The following DOCK7 variants were observed in gnomAD, a reference collection of about 807,000 sequenced individuals.
DOCK7 encodes dedicator of cytokinesis protein 7.
A neutral mutation model predicts 271.0 loss-of-function variants in DOCK7; 138 were observed. That is an observed-to-expected ratio of 0.51 (90% CI 0.44 to 0.59). The LOEUF is 0.59. DOCK7 is among the 20% of genes least tolerant of loss of function. The pLI, the probability that DOCK7 is intolerant of heterozygous loss-of-function variation, is 0.00. For missense variants in DOCK7, 2,066 were observed against 2,592.4 expected (o/e 0.80, Z 4.41); for synonymous variants, 823 against 876.1 (o/e 0.94, Z 1.07).
At chr1:62,602,637 T>C (rs766978865) in intron 14 of DOCK7, among the ~76,000 whole-genome samples, 3 of 151,738 alleles carry the variant, frequency 2.0e-5, no homozygotes, top group African/African-American at 2.4e-5. Flanking sequence ...CGGCTTACAA[T>C]GATCATAACT....
At chr1:62,610,040 G>A (rs946114723) in intron 14 of DOCK7, among the ~76,000 whole-genome samples, 2 of 152,026 alleles carry the variant, frequency 1.3e-5, no homozygotes, top group African/African-American at 4.8e-5. Context: ...TAGTAGAGAC[G>A]GAGTTTCATC....
At chr1:62,474,913 GGAA>G (rs1179570465) in intron 47 of DOCK7, among the ~76,000 whole-genome samples, 3 of 152,076 alleles carry the variant, frequency 2.0e-5, no homozygotes, top group Non-Finnish European at 4.4e-5. Flanking sequence ...GGAGATCTGG[GGAA>G]GGTAACATCA....
chr1:62,561,394 T>C (rs934819648), intron 19 of DOCK7, among the ~76,000 whole-genome samples: 1 of 152,162 alleles, frequency 6.6e-6, no homozygotes, highest in East Asian at 1.9e-4. Flanking sequence ...GTCAATGACA[T>C]TTTGAAACAA....
At chr1:62,614,983 C>A (rs903588464) in intron 14 of DOCK7, among the ~76,000 whole-genome samples, 56 of 151,922 alleles carry the variant, frequency 3.7e-4, no homozygotes, top group African/African-American at 1.2e-3. Flanking sequence ...TTCCAAGAAC[C>A]TATTAACAAT....
intron 12 of DOCK7, among the ~76,000 whole-genome samples, chr1:62,624,535 G>A (rs1222728475): frequency 1.3e-5 from 2 of 151,936 alleles, no homozygotes; most frequent in Non-Finnish European, 2.9e-5. Flanking sequence ...GCACTCCTAG[G>A]GCCTGAAAGT....
At chr1:62,475,017 T>G (rs1645930163) in intron 47 of DOCK7, among the ~76,000 whole-genome samples, 191 bp downstream of exon 47, 1 of 152,208 alleles carries the variant, frequency 6.6e-6, no homozygotes, top group Non-Finnish European at 1.5e-5. Context: ...TTGTACAAGC[T>G]TTTTAAGGAA....
chr1:62,606,819 A>G (rs965834088), intron 14 of DOCK7, among the ~76,000 whole-genome samples: 3 of 151,998 alleles, frequency 2.0e-5, no homozygotes, highest in African/African-American at 7.2e-5. Context: ...CAAAATCTAC[A>G]TATTCATCCC....
At chr1:62,588,719 C>T (rs1204543457) in intron 14 of DOCK7, among the ~76,000 whole-genome samples, 2 of 151,874 alleles carry the variant, frequency 1.3e-5, no homozygotes, top group Non-Finnish European at 2.9e-5. Context: ...TGCCTAAATC[C>T]ATTATTTTTT....
In DOCK7 at chr1:62,577,159, C is replaced by T. The variant is rs920097432; in HGVS notation, c.2112+103G>A. On this transcript the variant is annotated intron_variant, in intron 18 of 49. Transcript: ENST00000635253. ...ATACTTTTCCTTCATTATCTATAAA[C>T]TTTAAGTAGAAGAAATGGCAAGAGT... 1.5e-5 allele frequency: 9 copies of T among 607,406 alleles called. No homozygotes were observed. The African/African-American group carries it at 1.7e-4, about 12-fold the overall frequency. The allele number at this position is 607,406 out of a possible 1,614,324, so 37.6% of individuals were successfully genotyped here.
At chr1:62,500,232 T>G (rs1646742440) in intron 37 of DOCK7, among the ~76,000 whole-genome samples, 1 of 152,080 alleles carries the variant, frequency 6.6e-6, no homozygotes, top group Non-Finnish European at 1.5e-5. Context: ...TATACAAAAT[T>G]TATGAAGACA....
chr1:62,649,019 C>T lies in DOCK7; in HGVS notation c.390-475G>A, dbSNP rs1215029550. 5.9e-5 allele frequency among the ~76,000 whole-genome samples: 9 copies of T among 152,148 alleles called. No individual in the cohort carries two copies. The East Asian group carries it at 1.7e-3, about 29-fold the overall frequency. On this transcript the variant is annotated intron_variant, in intron 4 of 49. Coordinates refer to ENST00000635253, the MANE Select transcript of DOCK7 (RefSeq NM_001367561.1). ...ATCTATAAAAGATCTTAACCTAAAG[C>T]TGCAGACTTGTAAAATGAAAAACAG...
chr1:62,507,899 C>G, intron 35 of DOCK7, 63 bp downstream of exon 35: 1 of 1,486,284 alleles, frequency 6.7e-7, no homozygotes, highest in Non-Finnish European at 9.3e-7. Flanking sequence ...ACAGTAAACA[C>G]TTTTCCCTCC....
At chr1:62,640,696 C>A (rs545237427) in intron 7 of DOCK7, among the ~76,000 whole-genome samples, 1 of 152,284 alleles carries the variant, frequency 6.6e-6, no homozygotes, top group African/African-American at 2.4e-5. Context: ...ACAGCAAACT[C>A]ATGCTGTCCC....
Position 62,552,921 on chromosome 1 carries a change from A to G in DOCK7, c.2597-20T>C, listed in dbSNP as rs755227018. The G allele has an allele frequency of 1.4e-6, 2 of 1,471,236 alleles. No individual in the cohort carries two copies. Among genetic ancestry groups the G allele is most frequent in the Admixed American group, 2.1e-5 (1 of 46,836 alleles). The allele number at this position is 1,471,236 out of a possible 1,614,324, so 91.1% of individuals were successfully genotyped here. Reference sequence around the variant, plus strand: ...CAGGACCTAGAGTTGTATATGAAATAGCACATAATTAAAGAAAATTAGTCA... The same window carrying G: ...CAGGACCTAGAGTTGTATATGAAATGGCACATAATTAAAGAAAATTAGTCA... On this transcript the variant is annotated intron_variant, in intron 21 of 49. Transcript: ENST00000635253.
intron 1 of DOCK7, among the ~76,000 whole-genome samples, chr1:62,665,877 T>A (rs973289226): frequency 6.6e-6 from 1 of 151,754 alleles, no homozygotes; most frequent in Non-Finnish European, 1.5e-5. Flanking sequence ...ATTCAAGATA[T>A]CACTGGCCGG....
chr1:62,458,156 G>GGT (rs10609544), intron 48 of DOCK7: 7,003 of 153,102 alleles, frequency 0.046, 379 homozygotes, highest in African/African-American at 0.14. Context: ...CTCAAACGTG[G>GGT]GTGTGTGTGT....
At chr1:62,644,118 T>A (rs924791411) in intron 7 of DOCK7, among the ~76,000 whole-genome samples, 1 of 152,206 alleles carries the variant, frequency 6.6e-6, no homozygotes, top group Admixed American at 6.5e-5. Context: ...ACTTTACCTG[T>A]AGAAATATTT....
chr1:62,559,042 A>G lies in DOCK7; in HGVS notation c.2378T>C (p.Leu793Pro). 6.2e-7 allele frequency: 1 copy of G among 1,613,862 alleles called. No homozygotes were observed. The highest frequency in any genetic ancestry group is 8.5e-7 in the Non-Finnish European group (1 of 1,179,884). ...AATAACTAAAAGTATCAGTTTATCTAGCAGAAGATGAAGAAATCGGACCAC... is the reference window on the plus strand; with the variant it reads ...AATAACTAAAAGTATCAGTTTATCTGGCAGAAGATGAAGAAATCGGACCAC... ...EPVVRFLHLL[L>P]DKLILLVIRP... The change falls in exon 20 of 50, where the codon CTA (leucine) becomes CCA (proline). Residue 793 changes from leucine to proline, a missense_variant. By Grantham distance (98) the Leu-to-Pro change is moderately conservative. This residue lies in a region of DOCK7 where 1,414 missense variants were observed against 1,670.4 expected (regional missense o/e 0.85). Coordinates refer to ENST00000635253, the MANE Select transcript of DOCK7 (RefSeq NM_001367561.1).
chr1:62,570,787 CA>C, intron 18 of DOCK7, among the ~76,000 whole-genome samples: 1 of 152,122 alleles, frequency 6.6e-6, no homozygotes, highest in Admixed American at 6.5e-5. Context: ...ACAAACCTGA[CA>C]AAAACAAGCA....
Sources: gnomAD v4.1 joint callset for allele counts (sites outside exome capture counted in the v4.1 genomes callset) on GRCh38, gnomAD v4.1.1 for gene constraint, gnomAD v4.1.1 regional missense constraint, MANE v1.5 for transcripts, NCBI Gene and HGNC (gene_info 2026-07-23, HGNC 2026-07-21) for gene names.